Variants in ZDHHC5 observed in about 807,000 individuals in gnomAD.
ZDHHC5 encodes zDHHC palmitoyltransferase 5.
In ZDHHC5, 22 loss-of-function variants were observed where a neutral mutation model predicts 70.0. The observed-to-expected ratio is 0.31, with a 90% CI of 0.22 to 0.45. The LOEUF is 0.45. ZDHHC5 is among the 20% of genes least tolerant of loss of function. The probability of loss-of-function intolerance (pLI) is 1.00; values close to 1 mark genes in which losing one functional copy is unlikely to be tolerated. For missense variants in ZDHHC5, 746 were observed against 926.9 expected (o/e 0.80, Z 2.53); for synonymous variants, 313 against 347.8 (o/e 0.90, Z 1.11).
intron 3 of ZDHHC5, among the ~76,000 whole-genome samples, chr11:57,687,599 G>A (rs1946223279): frequency 6.6e-6 from 1 of 151,890 alleles, no homozygotes; most frequent in South Asian, 2.1e-4. Flanking sequence ...AACTGTATAT[G>A]AGAAGGCAAA....
intron 1 of ZDHHC5, among the ~76,000 whole-genome samples, chr11:57,671,222 G>A (rs10896635): frequency 0.027 from 4,184 of 152,218 alleles, 198 homozygotes; most frequent in African/African-American, 0.096. Flanking sequence ...ACCAGATAAT[G>A]TGAGTAAAGT....
chr11:57,688,890 TTTTA>T (rs1473104609), intron 4 of ZDHHC5, among the ~76,000 whole-genome samples: 1 of 152,180 alleles, frequency 6.6e-6, no homozygotes, highest in Non-Finnish European at 1.5e-5. Context: ...AGGCTTTCTT[TTTTA>T]TTTATTTTTA....
chr11:57,683,861 G>A (rs1946177387), intron 3 of ZDHHC5, among the ~76,000 whole-genome samples: 1 of 151,998 alleles, frequency 6.6e-6, no homozygotes, highest in Non-Finnish European at 1.5e-5. Flanking sequence ...AGAACAAAGT[G>A]GGAACTAAGG....
chr11:57,695,088 C>T (rs930626474), intron 8 of ZDHHC5, among the ~76,000 whole-genome samples: 1 of 152,110 alleles, frequency 6.6e-6, no homozygotes, highest in South Asian at 2.1e-4. Flanking sequence ...CATGGAGACA[C>T]CCTGTCTCTA....
intron 1 of ZDHHC5, among the ~76,000 whole-genome samples, chr11:57,669,347 G>C (rs1945972046): frequency 1.3e-5 from 2 of 152,186 alleles, no homozygotes; most frequent in Admixed American, 1.3e-4. Flanking sequence ...GGAAATACCT[G>C]TATTAAACCT....
At chr11:57,683,860 T>C (rs1249521441) in intron 3 of ZDHHC5, among the ~76,000 whole-genome samples, 1 of 151,778 alleles carries the variant, frequency 6.6e-6, no homozygotes, top group Non-Finnish European at 1.5e-5. Flanking sequence ...TAGAACAAAG[T>C]GGGAACTAAG....
intron 4 of ZDHHC5, among the ~76,000 whole-genome samples, chr11:57,688,866 C>T (rs996908482): frequency 1.6e-4 from 24 of 152,192 alleles, no homozygotes; most frequent in African/African-American, 5.6e-4. Flanking sequence ...GAAGCTTTAA[C>T]TCAATATGGG....
At chr11:57,674,300 C>G (rs551845948) in intron 2 of ZDHHC5, among the ~76,000 whole-genome samples, 6 of 150,622 alleles carry the variant, frequency 4.0e-5, no homozygotes, top group Admixed American at 2.7e-4. Context: ...TGATTTAAAC[C>G]TTCCCTTTTT....
intron 3 of ZDHHC5, among the ~76,000 whole-genome samples, chr11:57,687,127 A>G (rs1946217260): frequency 1.3e-5 from 2 of 152,130 alleles, no homozygotes; most frequent in Admixed American, 6.6e-5. Context: ...CACCGTACCC[A>G]GCTGTACAGT....
rs777605730 is a variant in ZDHHC5, at chr11:57,693,885, T to C, written c.855T>C (p.Asn285=). 6.8e-6 allele frequency: 11 copies of C among 1,613,230 alleles called. No homozygotes were observed. Among genetic ancestry groups the C allele is most frequent in the Non-Finnish European group, 9.3e-6 (11 of 1,179,728 alleles). Residue 285 remains asparagine (N), a synonymous_variant, in exon 8 of 12, where the codon AAT becomes AAC. Transcript: ENST00000287169. ...AGATAACTGTGAAGATCATGGATAATGGCATCCAGGGAGAGCTGAGGAGAA... is the reference window on the plus strand; with the variant it reads ...AGATAACTGTGAAGATCATGGATAACGGCATCCAGGGAGAGCTGAGGAGAA... The part of the protein sequence containing the change: ...DGQITVKIMD[N]GIQGELRRTK...
intron 2 of ZDHHC5, among the ~76,000 whole-genome samples, chr11:57,681,881 G>T (rs1322538343): frequency 2.0e-5 from 3 of 152,158 alleles, no homozygotes. Flanking sequence ...CTGTAGTTGA[G>T]TAAACTCTCA....
At chr11:57,675,382 A>T (rs2135379550) in intron 2 of ZDHHC5, among the ~76,000 whole-genome samples, 1 of 152,322 alleles carries the variant, frequency 6.6e-6, no homozygotes, top group East Asian at 1.9e-4. Context: ...TTGCCTACAA[A>T]GAGTTGTCCT....
chr11:57,677,893 G>A (rs1333395164), intron 2 of ZDHHC5, among the ~76,000 whole-genome samples: 6 of 152,178 alleles, frequency 3.9e-5, no homozygotes, highest in Non-Finnish European at 8.8e-5. Flanking sequence ...TAAGTGCCCA[G>A]GTCCTACGTC....
chr11:57,693,536 T>C lies in ZDHHC5; in HGVS notation c.753-247T>C, dbSNP rs140432267. On this transcript the variant is annotated intron_variant, in intron 7 of 11. Coordinates refer to ENST00000287169, the MANE Select transcript of ZDHHC5 (RefSeq NM_015457.3). The stretch of plus-strand genomic sequence containing the variant: ...AGGTATTAAGGTAAATCTTTGAGAA[T>C]TGAGGGTGAATAAGATACACTCTAA... Among the ~76,000 whole-genome samples the C allele has an allele frequency of 5.0e-4, 76 of 152,272 alleles. 1 individual carries two copies. In the East Asian group the frequency reaches 0.014, roughly 29 times the overall value.
chr11:57,700,679 A>G lies in ZDHHC5; in HGVS notation c.*648A>G, dbSNP rs191335096. On this transcript the variant is annotated 3_prime_UTR_variant, in exon 12 of 12. Transcript: ENST00000287169. ...AGGTGAGTCTGGAATTTTGGTCACA[A>G]GAGGGAAGGACTTGGAGAGGAGAAT... The G allele has an allele frequency of 6.5e-6, 1 of 152,714 alleles. No homozygotes were observed. The highest frequency in any genetic ancestry group is 2.4e-5 in the African/African-American group (1 of 41,550). 9.5% of individuals were successfully genotyped at this position (152,714 alleles called of 1,614,324 possible).
At chr11:57,688,256 A>G (rs1405163317) in intron 3 of ZDHHC5, among the ~76,000 whole-genome samples, 1 of 152,224 alleles carries the variant, frequency 6.6e-6, no homozygotes, top group East Asian at 1.9e-4. Context: ...GCAGATGCAT[A>G]CAAGAGCTAC....
chr11:57,685,952 G>A (rs372603077), intron 3 of ZDHHC5, among the ~76,000 whole-genome samples: 8 of 152,200 alleles, frequency 5.3e-5, no homozygotes, highest in South Asian at 2.1e-4. Flanking sequence ...GCTTGAACCC[G>A]GGAGGTGGAG....
intron 3 of ZDHHC5, among the ~76,000 whole-genome samples, chr11:57,687,318 C>T (rs1312663176): frequency 1.3e-5 from 2 of 150,830 alleles, no homozygotes; most frequent in East Asian, 3.9e-4. Context: ...TGCTTGTAAT[C>T]TTAATACTTT....
At position 57,692,698 on chromosome 11, in the gene ZDHHC5, C is replaced by A; in HGVS notation, c.748C>A (p.Pro250Thr). 1 of 1,614,108 alleles carries A rather than the reference C, an allele frequency of 6.2e-7. No individual in the cohort carries two copies. Among genetic ancestry groups the A allele is most frequent in the Non-Finnish European group, 8.5e-7 (1 of 1,180,000 alleles). The change falls in exon 7 of 12, where the codon CCC becomes ACC. Residue 250 changes from proline (P) to threonine (T), a missense_variant. By Grantham distance (38) the Pro-to-Thr change is conservative. This residue lies in a region of ZDHHC5 where 114 missense variants were observed against 179.3 expected (regional missense o/e 0.64). Coordinates refer to ENST00000287169, the MANE Select transcript of ZDHHC5 (RefSeq NM_015457.3). ...CCGTGTTCTCTGCAGTTCTCCAGCA[C>A]CCAGGTACACCTATCCCTCTGGTCT... is the stretch of plus-strand genomic sequence containing the variant. ...VSRVLCSSPA[P>T]RYLGRPKKEK...
Sources: gnomAD v4.1 joint callset for allele counts (sites outside exome capture counted in the v4.1 genomes callset) on GRCh38, gnomAD v4.1.1 for gene constraint, gnomAD v4.1.1 regional missense constraint, MANE v1.5 for transcripts, NCBI Gene and HGNC (gene_info 2026-07-23, HGNC 2026-07-21) for gene names.